The following MICAL1 variants were observed in gnomAD, a reference collection of about 807,000 sequenced individuals.
MICAL1 encodes the protein microtubule associated monooxygenase, calponin and LIM domain containing 1, also known as [F-actin]-monooxygenase MICAL1.
Under a neutral mutation model 131.8 loss-of-function variants are expected in MICAL1, and 95 were observed. That is an observed-to-expected ratio of 0.72 (90% CI 0.61 to 0.86). MICAL1 has a LOEUF of 0.86. Ranked by LOEUF, MICAL1 falls within the 40% of genes least tolerant of loss-of-function variation. MICAL1 has a pLI of 0.00. For missense variants in MICAL1, 1,292 were observed against 1,380.6 expected, an observed-to-expected ratio of 0.94 and a Z score of 1.02; for synonymous variants, 546 against 554.2, an observed-to-expected ratio of 0.99 and a Z score of 0.21.
chr6:109,446,341 G>A lies in MICAL1; in HGVS notation c.2376C>T (p.Ala792=), dbSNP rs771579003. 1.6e-4 allele frequency: 256 copies of A among 1,613,570 alleles called. 2 individuals carry two copies. The Middle Eastern group carries it at 2.6e-3, about 17-fold the overall frequency. ...GCTGGCTGGGATCTGGAACAGGACC[G>A]GCCCCCTCCTGCGAGGCTGTGGGAG... ...LSTPTASQEG[A]GPVPDPSQPT... is the part of the protein sequence containing the mutation. Residue 792 remains alanine, a synonymous_variant, in exon 19 of 25, where the codon GCC becomes GCT. Transcript: ENST00000358807.
At chr6:109,446,600 A>T (rs9480959) in intron 18 of MICAL1, 96 bp downstream of exon 18, 71,883 of 1,414,296 alleles carry the variant, frequency 0.051, 2,066 homozygotes, top group Admixed American at 0.097. Context: ...ATGCTAGTAG[A>T]AGACGACATT....
upstream of MICAL1, among the ~76,000 whole-genome samples, chr6:109,459,048 C>A (rs1775829320): frequency 6.6e-6 from 1 of 152,116 alleles, no homozygotes. Flanking sequence ...TGCCACAAAG[C>A]CTTCAGGCAG....
In MICAL1 at chr6:109,447,675, A is replaced by C. The variant is rs769415507; in HGVS notation, c.1986+6T>G. On this transcript the variant is annotated splice_donor_region_variant and intron_variant, in intron 15 of 24. Transcript: ENST00000358807. ...AGGAGACCGACCCGCCCCTGCCTGC[A>C]TTCACCTCCAAGCGCAGCTTCTTGC... is the stretch of plus-strand genomic sequence containing the variant. The C allele has an allele frequency of 2.2e-5, 36 of 1,613,826 alleles. No individual in the cohort carries two copies. The highest frequency in any genetic ancestry group is 2.8e-5 in the Non-Finnish European group (33 of 1,179,926).
rs772494437 is a variant in MICAL1 at position 109,447,188 on chromosome 6, G to C, written c.2112C>G (p.Leu704=). The change falls in exon 17 of 25, where the codon CTC becomes CTG. Residue 704 remains leucine, a synonymous_variant. Transcript: ENST00000358807. ...TGACACAGAGGCGTTCCAGGACATA[G>C]AGGTGTTCCCCACAAAGTGCACACA... The part of the protein sequence containing the change: ...GDLCALCGEH[L]YVLERLCVNG... 1.9e-6 allele frequency: 3 copies of C among 1,614,162 alleles called. No individual in the cohort carries two copies. The highest frequency in any genetic ancestry group is 2.5e-6 in the Non-Finnish European group (3 of 1,179,976).
chr6:109,453,802 A>G lies in MICAL1; in HGVS notation c.302T>C (p.Val101Ala). ...TCGGGCCCCCAGCAGCGCCAGCTCC[A>G]CAGCGACCCGCAGCCCGCAAGGTCC... Reference protein sequence around the residue: ...GAGPCGLRVAVELALLGARVV... With the variant: ...GAGPCGLRVAAELALLGARVV... The change falls in exon 3 of 25, where the codon GTG becomes GCG. Residue 101 changes from valine to alanine, a missense_variant. Val to Ala is a moderately conservative substitution (Grantham distance 64, BLOSUM62 0). Transcript: ENST00000358807. 1 of 1,613,720 alleles carries G rather than the reference A, an allele frequency of 6.2e-7. No homozygotes were observed. Among genetic ancestry groups the G allele is most frequent in the Non-Finnish European group, 8.5e-7 (1 of 1,180,010 alleles).
At position 109,449,665 on chromosome 6, in the gene MICAL1, G is replaced by T. The variant is rs773708378; in HGVS notation, c.1426C>A (p.Pro476Thr). Reference protein sequence around the residue: ...YPNLNLRAVTPNQVRDLYDVL... With the variant: ...YPNLNLRAVTTNQVRDLYDVL... Reference sequence around the variant, plus strand: ...TGTGTCGGGGGTCTGACCTGATTGGGGGTCACTGCCCGGAGGTTCAGGTTG... The same window carrying T: ...TGTGTCGGGGGTCTGACCTGATTGGTGGTCACTGCCCGGAGGTTCAGGTTG... Residue 476 changes from proline to threonine, a missense_variant, in exon 10 of 25, where the codon CCC becomes ACC. Physicochemically the swap from Pro to Thr is conservative, Grantham distance 38. Coordinates refer to ENST00000358807, the MANE Select transcript of MICAL1 (RefSeq NM_022765.4). The T allele has an allele frequency of 1.3e-6, 2 of 1,582,668 alleles. No individual in the cohort carries two copies. The highest frequency in any genetic ancestry group is 3.5e-5 in the Admixed American group (2 of 57,586).
At chr6:109,454,535 C>G in intron 1 of MICAL1, 1 of 386,928 alleles carries the variant, frequency 2.6e-6, no homozygotes, top group South Asian at 3.1e-5. Flanking sequence ...ATCTCCAAGC[C>G]CTGGGGTAGG....
rs1775299394 is a variant in MICAL1 at position 109,447,732 on chromosome 6, G to C, written c.1945-10C>G. 1 of 1,614,012 alleles carries C rather than the reference G, an allele frequency of 6.2e-7. No individual in the cohort carries two copies. Among genetic ancestry groups the C allele is most frequent in the African/African-American group, 1.3e-5 (1 of 74,976 alleles). On this transcript the variant is annotated splice_polypyrimidine_tract_variant and intron_variant, in intron 14 of 24. Transcript: ENST00000358807. The stretch of plus-strand genomic sequence containing the variant: ...CATCCTCTGCATTTTCCTGCAATAA[G>C]TCCTAACAGCTCTAAGTGTGATGTT...
intron 21 of MICAL1, 32 bp from the exon 22 acceptor site, chr6:109,445,322 C>A (rs1478554090): frequency 1.2e-6 from 2 of 1,613,420 alleles, no homozygotes; most frequent in African/African-American, 1.3e-5. Context: ...ATCCAGGAGT[C>A]TCTAGGTTGC....
Position 109,448,859 on chromosome 6 carries a change from C to T in MICAL1, c.1537G>A (p.Glu513Lys). 6.2e-7 allele frequency: 1 copy of T among 1,613,814 alleles called. No homozygotes were observed. Among genetic ancestry groups the T allele is most frequent in the South Asian group, 1.1e-5 (1 of 91,084 alleles). ...PATGSAGTQE[E>K]LLRWCQEQTA... ...TGCTCCTGGCACCAGCGTAGCAGCT[C>T]CTCCTGGGTGCCTGCCGACCCTGGG... Residue 513 changes from glutamate (E) to lysine (K), a missense_variant, in exon 12 of 25, where the codon GAG becomes AAG. Coordinates refer to ENST00000358807, the MANE Select transcript of MICAL1 (RefSeq NM_022765.4).
chr6:109,448,712 T>C lies in MICAL1; in HGVS notation c.1664+20A>G. Reference sequence around the variant, plus strand: ...CTACACTGAGATCATGAGAGAGAGGTGGGTCTGCCAGGGACTCACAGCAGG... The same window carrying C: ...CTACACTGAGATCATGAGAGAGAGGCGGGTCTGCCAGGGACTCACAGCAGG... On this transcript the variant is annotated intron_variant, in intron 12 of 24. Coordinates refer to ENST00000358807, the MANE Select transcript of MICAL1 (RefSeq NM_022765.4). 1 of 1,613,026 alleles carries C rather than the reference T, an allele frequency of 6.2e-7. No individual in the cohort carries two copies. The highest frequency in any genetic ancestry group is 8.5e-7 in the Non-Finnish European group (1 of 1,179,296).
intron 11 of MICAL1, 123 bp downstream of exon 11, chr6:109,449,277 G>T: frequency 1.8e-6 from 2 of 1,084,940 alleles, no homozygotes; most frequent in Non-Finnish European, 2.8e-6. Flanking sequence ...CAACCCACCA[G>T]CCAACAATGA....
chr6:109,449,773 A>G lies in MICAL1; in HGVS notation c.1318T>C (p.Tyr440His), dbSNP rs184556952. The part of the protein sequence containing the change: ...LEVLAERESL[Y>H]QLLSQTSPEN... ...GGGGATGTCTGTGACAGAAGCTGGT[A>G]CAGGCTCTCACTGAGGGGGTGAGGG... Residue 440 changes from tyrosine (Y) to histidine (H), a missense_variant, in exon 10 of 25, where the codon TAC becomes CAC. Transcript: ENST00000358807. The G allele has an allele frequency of 1.2e-6, 2 of 1,608,844 alleles. No homozygotes were observed. Among genetic ancestry groups the G allele is most frequent in the East Asian group, 4.5e-5 (2 of 44,868 alleles).
intron 18 of MICAL1, 142 bp from the exon 19 acceptor site, chr6:109,446,554 T>G: frequency 7.3e-7 from 1 of 1,362,206 alleles, no homozygotes; most frequent in East Asian, 2.4e-5. Flanking sequence ...ACAAGAAGTG[T>G]AAGCAGACAG....
chr6:109,447,214 G>T lies in MICAL1; in HGVS notation c.2086C>A (p.Leu696Met). The T allele has an allele frequency of 6.2e-7, 1 of 1,614,072 alleles. No individual in the cohort carries two copies. Among genetic ancestry groups the T allele is most frequent in the Non-Finnish European group, 8.5e-7 (1 of 1,179,938 alleles). The change falls in exon 17 of 25, where the codon CTG becomes ATG. Residue 696 changes from leucine to methionine, a missense_variant. Transcript: ENST00000358807. ...AGGTGTTCCCCACAAAGTGCACACA[G>T]GTCCCCAGCACCGGCCTGCGTGGAC... ...SQHQEAGAGDLCALCGEHLYV... is the reference protein window; with the variant it reads ...SQHQEAGAGDMCALCGEHLYV...
chr6:109,452,158 T>G, intron 6 of MICAL1, 88 bp downstream of exon 6: 1 of 1,525,214 alleles, frequency 6.6e-7, no homozygotes, highest in Non-Finnish European at 8.8e-7. Context: ...TGGAGTTCCT[T>G]GCAGTGAGGA....
In MICAL1 at chr6:109,450,547, T is replaced by C. The variant is rs1415960207; in HGVS notation, c.944A>G (p.Asp315Gly). The change falls in exon 8 of 25, where the codon GAC (aspartate) becomes GGC (glycine). Residue 315 changes from aspartate (D) to glycine (G), a missense_variant. By Grantham distance (94) the Asp-to-Gly change is moderately conservative (BLOSUM62 -1). Transcript: ENST00000358807. ...GGCACTGCCCAGCAGCCGATTGGTG[T>C]CTGGCCAGTCCTGTATGGTCAACAG... Reference protein sequence around the residue: ...RLGVLRQDWPDTNRLLGSANV... With the variant: ...RLGVLRQDWPGTNRLLGSANV... The C allele has an allele frequency of 1.2e-6, 2 of 1,609,012 alleles. No individual in the cohort carries two copies. The highest frequency in any genetic ancestry group is 1.3e-5 in the African/African-American group (1 of 74,854).
upstream of MICAL1, among the ~76,000 whole-genome samples, chr6:109,458,917 G>A (rs903465247): frequency 9.8e-4 from 149 of 152,320 alleles, no homozygotes; most frequent in African/African-American, 3.1e-3. Flanking sequence ...TGACATCTGC[G>A]CCAAAGGTGT....
Position 109,455,220 on chromosome 6 carries a change from G to C in MICAL1, c.-44+499C>G, listed in dbSNP as rs1775698885. Among the ~76,000 whole-genome samples, 1 of 152,228 alleles carries C rather than the reference G, an allele frequency of 6.6e-6. No individual in the cohort carries two copies. On this transcript the variant is annotated intron_variant, in intron 1 of 24. Transcript: ENST00000358807. The surrounding 1 kb of genome is among the most constrained non-coding windows in gnomAD (Gnocchi z 4.7). ...GGCGGGTGTCCACGGCAGCGTTAGG[G>C]AGGGTGAATGGCAGCAGTGGGGGCA... is the stretch of plus-strand genomic sequence containing the variant.
Sources: allele counts gnomAD v4.1 joint callset (sites outside exome capture counted in the v4.1 genomes callset), GRCh38; gene constraint gnomAD v4.1.1; non-coding constraint Gnocchi (gnomAD v3.1); transcripts MANE v1.5; gene names NCBI Gene and HGNC (gene_info 2026-07-23, HGNC 2026-07-21).